The following CACNA2D2 variants were observed in gnomAD, a reference collection of about 807,000 sequenced individuals.
The protein encoded by CACNA2D2 is calcium voltage-gated channel auxiliary subunit alpha2delta 2, also known as voltage-dependent calcium channel subunit alpha-2/delta-2.
In CACNA2D2, 48 loss-of-function variants were observed where a neutral mutation model predicts 166.4. The ratio of observed to expected loss-of-function variants is 0.29; its 90% CI spans 0.23 to 0.37. The LOEUF (loss-of-function observed/expected upper bound fraction) is 0.37. CACNA2D2 is among the 10% of genes least tolerant of loss of function. The pLI, the probability that CACNA2D2 is intolerant of heterozygous loss-of-function variation, is 1.00. For synonymous variants in CACNA2D2, 561 were observed against 573.7 expected (o/e 0.98, Z 0.32); for missense variants, 1,122 against 1,433.0 (o/e 0.78, Z 3.50).
chr3:50,408,411 A>C (rs373206958), intron 3 of CACNA2D2, among the ~76,000 whole-genome samples: 7 of 152,284 alleles, frequency 4.6e-5, no homozygotes, highest in African/African-American at 1.7e-4. Context: ...AAAGCCAAGC[A>C]CTGGTTGGCC....
intron 3 of CACNA2D2, among the ~76,000 whole-genome samples, chr3:50,398,699 C>T (rs968155341): frequency 3.3e-5 from 5 of 152,168 alleles, no homozygotes; most frequent in African/African-American, 1.2e-4. Flanking sequence ...TTGCCTGGCC[C>T]GTGACGTCCC....
intron 4 of CACNA2D2, among the ~76,000 whole-genome samples, chr3:50,392,503 C>T (rs1348877834): frequency 6.6e-6 from 1 of 152,158 alleles, no homozygotes; most frequent in Non-Finnish European, 1.5e-5. Context: ...GCCCAGGTGG[C>T]CCTGTGGTCA....
rs750208368 is a variant in CACNA2D2, at chr3:50,379,218, A to T, written c.1153-19T>A. ...TGTTGGACTGAGGGGAGTGAGGCGG[A>T]GGCAGGCAGCTCTCAGCCCTCCCTG... is the stretch of plus-strand genomic sequence containing the variant. On this transcript the variant is annotated intron_variant, in intron 11 of 37. Transcript: ENST00000424201. This position sits in a 1 kb window ranked among gnomAD's most constrained non-coding sequence, Gnocchi z 6.5. 11 of 1,598,342 alleles carry T rather than the reference A, an allele frequency of 6.9e-6. No individual in the cohort carries two copies. The South Asian group carries it at 1.1e-4, about 16-fold the overall frequency.
intron 3 of CACNA2D2, among the ~76,000 whole-genome samples, chr3:50,430,615 G>T (rs1708019819): frequency 1.3e-5 from 2 of 152,224 alleles, no homozygotes; most frequent in African/African-American, 4.8e-5. Context: ...GTAGCCATTG[G>T]CGGATGTTGG....
chr3:50,379,937 C>T lies in CACNA2D2; in HGVS notation c.893+31G>A. 1.9e-6 allele frequency: 3 copies of T among 1,613,946 alleles called. No homozygotes were observed. Among genetic ancestry groups the T allele is most frequent in the Non-Finnish European group, 2.5e-6 (3 of 1,179,982 alleles). On this transcript the variant is annotated intron_variant, in intron 9 of 37. Transcript: ENST00000424201. This position sits in a 1 kb window ranked among gnomAD's most constrained non-coding sequence, Gnocchi z 6.5. ...GTCTAGCCCATTGCCCGTCCCTGCC[C>T]CAGCCCCACTTGCCAGCACTGCTCA...
Position 50,426,482 on chromosome 3 carries a change from C to G in CACNA2D2, c.405+7831G>C, listed in dbSNP as rs535933161. On this transcript the variant is annotated intron_variant, in intron 3 of 37. Transcript: ENST00000424201. ...GTGGGGTGACACCAGTCAGGACACC[C>G]AAGGTGTTGAGCTTCCAGGCCCGAC... 9.2e-5 allele frequency among the ~76,000 whole-genome samples: 14 copies of G among 152,252 alleles called. No homozygotes were observed. The South Asian group carries it at 2.9e-3, about 32-fold the overall frequency.
intron 3 of CACNA2D2, among the ~76,000 whole-genome samples, chr3:50,431,383 G>A (rs1708055040): frequency 1.3e-5 from 2 of 152,194 alleles, no homozygotes; most frequent in Admixed American, 6.5e-5. Context: ...CAGGGGTGCT[G>A]CAGCAGGAGG....
chr3:50,433,241 T>C (rs962778944), intron 3 of CACNA2D2, among the ~76,000 whole-genome samples: 2 of 152,240 alleles, frequency 1.3e-5, no homozygotes, highest in African/African-American at 4.8e-5. Context: ...TTCATAGAAA[T>C]GGGATCACAC....
intron 3 of CACNA2D2, among the ~76,000 whole-genome samples, chr3:50,423,905 C>T (rs1707686950): frequency 6.6e-6 from 1 of 152,226 alleles, no homozygotes; most frequent in African/African-American, 2.4e-5. Flanking sequence ...GGCCCTGCAG[C>T]CCAGGATTGT....
chr3:50,380,461 T>C lies in CACNA2D2; in HGVS notation c.842+287A>G, dbSNP rs999255850. On this transcript the variant is annotated intron_variant, in intron 8 of 37. Transcript: ENST00000424201. This position sits in a 1 kb window ranked among gnomAD's most constrained non-coding sequence, Gnocchi z 4.9. The stretch of plus-strand genomic sequence containing the variant: ...GGGTGGGGCAGGGACTGGCCAACCC[T>C]ACAGAGGCTACATCTGCCTTTGGGG... 5.9e-5 allele frequency among the ~76,000 whole-genome samples: 9 copies of C among 152,138 alleles called. No individual in the cohort carries two copies. Among genetic ancestry groups the C allele is most frequent in the African/African-American group, 2.2e-4 (9 of 41,432 alleles).
At chr3:50,389,403 T>C (rs1160911335) in intron 4 of CACNA2D2, among the ~76,000 whole-genome samples, 1 of 151,916 alleles carries the variant, frequency 6.6e-6, no homozygotes, top group Non-Finnish European at 1.5e-5. Context: ...ACAGCTCTGA[T>C]GCTCTTTCCC....
chr3:50,434,351 T>C lies in CACNA2D2; in HGVS notation c.367A>G (p.Ile123Val), dbSNP rs766953851. ...QKLVEKVAGDIESLLDRKVQA... is the reference protein window; with the variant it reads ...QKLVEKVAGDVESLLDRKVQA... ...ACCTTCCTGTCCAGAAGGCTCTCAATGTCCCCTGCCACCTTCTCCACCAAC... is the reference window on the plus strand; with the variant it reads ...ACCTTCCTGTCCAGAAGGCTCTCAACGTCCCCTGCCACCTTCTCCACCAAC... Residue 123 changes from isoleucine to valine, a missense_variant, in exon 3 of 38, where the codon ATT (isoleucine) becomes GTT (valine). Physicochemically the swap from Ile to Val is conservative, Grantham distance 29. Around this residue, in one of 2 missense-constraint regions of CACNA2D2, gnomAD observed 840 missense variants for 1,166.8 expected, o/e 0.72. Coordinates refer to ENST00000424201, the MANE Select transcript of CACNA2D2 (RefSeq NM_006030.4). The C allele has an allele frequency of 1.9e-6, 3 of 1,613,978 alleles. No homozygotes were observed. The highest frequency in any genetic ancestry group is 2.7e-5 in the African/African-American group (2 of 75,012).
At chr3:50,382,023 A>ACACAC (rs1559894140) in intron 6 of CACNA2D2, among the ~76,000 whole-genome samples, 59 of 117,270 alleles carry the variant, frequency 5.0e-4, no homozygotes, top group African/African-American at 2.2e-3. Context: ...CACACACACA[A>ACACAC]ACAAGGCTCC....
At chr3:50,450,877 C>A (rs938478899) in intron 2 of CACNA2D2, among the ~76,000 whole-genome samples, 1 of 152,214 alleles carries the variant, frequency 6.6e-6, no homozygotes, top group African/African-American at 2.4e-5. Flanking sequence ...GCCAACAAGA[C>A]CCAGGGGCTC....
In CACNA2D2 at chr3:50,401,372, A is replaced by C. The variant is rs1706445597; in HGVS notation, c.406-7204T>G. ...GCCACTCCACCCAAGTCCAGGCTTGACACCTCCCTGTGGGTGTCACAGGCT... is the reference window on the plus strand; with the variant it reads ...GCCACTCCACCCAAGTCCAGGCTTGCCACCTCCCTGTGGGTGTCACAGGCT... On this transcript the variant is annotated intron_variant, in intron 3 of 37. Coordinates refer to ENST00000424201, the MANE Select transcript of CACNA2D2 (RefSeq NM_006030.4). Among the ~76,000 whole-genome samples the C allele has an allele frequency of 1.3e-5, 2 of 152,158 alleles. 1 individual carries two copies. Among genetic ancestry groups the C allele is most frequent in the South Asian group, 4.1e-4 (2 of 4,826 alleles).
At chr3:50,416,379 C>A (rs1707263478) in intron 3 of CACNA2D2, among the ~76,000 whole-genome samples, 1 of 152,230 alleles carries the variant, frequency 6.6e-6, no homozygotes, top group South Asian at 2.1e-4. Flanking sequence ...AGAGGCCCGG[C>A]TGAGACCTCT....
At position 50,366,562 on chromosome 3, in the gene CACNA2D2, T is replaced by A; in HGVS notation, c.2637+16A>T. 1.2e-6 allele frequency: 2 copies of A among 1,613,572 alleles called. No homozygotes were observed. The highest frequency in any genetic ancestry group is 1.7e-6 in the Non-Finnish European group (2 of 1,179,684). On this transcript the variant is annotated intron_variant, in intron 30 of 37. Transcript: ENST00000424201. This position sits in a 1 kb window ranked among gnomAD's most constrained non-coding sequence, Gnocchi z 5.9. ...GGGGTAAGCTAGGGTCCAGGGTAGG[T>A]TCAGGGCACACACACCTCATTGTTA...
At chr3:50,458,659 G>A (rs1709470569) in intron 2 of CACNA2D2, among the ~76,000 whole-genome samples, 3 of 152,214 alleles carry the variant, frequency 2.0e-5, no homozygotes, top group South Asian at 2.1e-4. Flanking sequence ...TCCCTGGCAC[G>A]ACAGTTAAGG....
Position 50,367,210 on chromosome 3 carries a change from C to T in CACNA2D2, c.2402-101G>A. On this transcript the variant is annotated intron_variant, in intron 27 of 37. Coordinates refer to ENST00000424201, the MANE Select transcript of CACNA2D2 (RefSeq NM_006030.4). The surrounding 1 kb of genome is among the most constrained non-coding windows in gnomAD (Gnocchi z 6.5). The stretch of plus-strand genomic sequence containing the variant: ...CAGCAGTCCAATCCCGGGATGACTC[C>T]AGCCCAAGCACCCAGCACTCAGGAC... 9.7e-7 allele frequency: 1 copy of T among 1,036,128 alleles called. No individual in the cohort carries two copies. The allele number at this position is 1,036,128 out of a possible 1,614,324, so 64.2% of individuals were successfully genotyped here.
Sources: allele counts gnomAD v4.1 joint callset (sites outside exome capture counted in the v4.1 genomes callset), GRCh38; gene constraint gnomAD v4.1.1; regional missense constraint gnomAD v4.1.1; non-coding constraint Gnocchi (gnomAD v3.1); transcripts MANE v1.5; gene names NCBI Gene and HGNC (gene_info 2026-07-23, HGNC 2026-07-21).